FHIT: variants seen among roughly 807,000 people sequenced by gnomAD.
FHIT encodes fragile histidine triad diadenosine triphosphatase, also known as bis(5'-adenosyl)-triphosphatase.
In FHIT, 19 loss-of-function variants were observed where a neutral mutation model predicts 17.9. The observed-to-expected ratio is 1.06, with a 90% CI of 0.74 to 1.56. FHIT has a LOEUF of 1.56. Ranked by LOEUF, FHIT falls within the 40% of genes most tolerant of loss-of-function variation. The pLI is 0.00. For synonymous variants in FHIT, 81 were observed against 69.7 expected (o/e 1.16, Z -0.81); for missense variants, 248 against 189.2 (o/e 1.31, Z -1.82).
intron 3 of FHIT, among the ~76,000 whole-genome samples, chr3:60,947,474 C>T (rs1708688389): frequency 6.6e-6 from 1 of 152,094 alleles, no homozygotes; most frequent in African/African-American, 2.4e-5. Context: ...ATTTTGTTGT[C>T]ATTTGGAAAT....
chr3:60,442,358 C>T (rs1050786406), intron 5 of FHIT, among the ~76,000 whole-genome samples: 24 of 152,184 alleles, frequency 1.6e-4, no homozygotes, highest in African/African-American at 5.5e-4. Flanking sequence ...ATGCCTATGT[C>T]CTGAATGGTA....
intron 3 of FHIT, among the ~76,000 whole-genome samples, chr3:60,924,371 A>G (rs1488640981): frequency 3.3e-5 from 5 of 152,172 alleles, no homozygotes; most frequent in African/African-American, 1.2e-4. Flanking sequence ...TTCCAGAGGA[A>G]CAATCAGTCA....
chr3:60,510,358 A>G (rs2034903036), intron 5 of FHIT, among the ~76,000 whole-genome samples: 1 of 152,166 alleles, frequency 6.6e-6, no homozygotes, highest in Non-Finnish European at 1.5e-5. Flanking sequence ...TTTCTATAAG[A>G]GTTTAAACGG....
intron 2 of FHIT, among the ~76,000 whole-genome samples, chr3:61,044,482 G>A (rs1019385543): frequency 3.3e-5 from 5 of 152,248 alleles, no homozygotes; most frequent in Non-Finnish European, 7.4e-5. Flanking sequence ...ACGGGACTAT[G>A]TGAAAAGACC....
rs1707969401 is a variant in FHIT at position 60,291,221 on chromosome 3, A to AG, written c.103+245638dup. ...GGGTTGCCGGTCCACAGGGAAATAC[A>AG]GGGGGTTTTATAGATACCTGGTGAG... On this transcript the variant is annotated intron_variant, in intron 5 of 9. Transcript: ENST00000492590. Among the ~76,000 whole-genome samples, 3 of 152,214 alleles carry AG rather than the reference A, an allele frequency of 2.0e-5. No individual in the cohort carries two copies. In the East Asian group the frequency reaches 5.8e-4, roughly 29 times the overall value.
At position 60,092,096 on chromosome 3, in the gene FHIT, C is replaced by G. The variant is rs570607107; in HGVS notation, c.104-77944G>C. Reference sequence around the variant, plus strand: ...TTAAGGAATAGTACGACAATAATCTCTAGATACATCTGCAATCAAGTAACA... The same window carrying G: ...TTAAGGAATAGTACGACAATAATCTGTAGATACATCTGCAATCAAGTAACA... On this transcript the variant is annotated intron_variant, in intron 5 of 9. Transcript: ENST00000492590. Among the ~76,000 whole-genome samples, 3 of 152,252 alleles carry G rather than the reference C, an allele frequency of 2.0e-5. No individual in the cohort carries two copies. The South Asian group carries it at 6.2e-4, about 32-fold the overall frequency.
chr3:61,177,693 T>G lies in FHIT; in HGVS notation c.-164+22924A>C, dbSNP rs888288404. On this transcript the variant is annotated intron_variant, in intron 2 of 9. Transcript: ENST00000492590. Reference sequence around the variant, plus strand: ...CTAAATGGATTTTTCATGTTTAGACTAGTAAACATAAAAAGCAAACCTATC... The same window carrying G: ...CTAAATGGATTTTTCATGTTTAGACGAGTAAACATAAAAAGCAAACCTATC... Among the ~76,000 whole-genome samples, 4 of 152,196 alleles carry G rather than the reference T, an allele frequency of 2.6e-5. No homozygotes were observed. The East Asian group carries it at 7.7e-4, about 29-fold the overall frequency.
chr3:60,484,695 A>G (rs571151197), intron 5 of FHIT, among the ~76,000 whole-genome samples: 26 of 152,128 alleles, frequency 1.7e-4, no homozygotes, highest in Non-Finnish European at 3.2e-4. Context: ...ACTTAAATGT[A>G]AAACCCAAAA....
chr3:61,069,435 A>G (rs1381416539), intron 2 of FHIT, among the ~76,000 whole-genome samples: 1 of 152,128 alleles, frequency 6.6e-6, no homozygotes, highest in Non-Finnish European at 1.5e-5. Context: ...TTTTCCCCCA[A>G]CATCTCGCAG....
At chr3:60,004,191 T>C (rs556509134) in intron 7 of FHIT, among the ~76,000 whole-genome samples, 16 of 152,112 alleles carry the variant, frequency 1.1e-4, no homozygotes, top group Admixed American at 5.9e-4. Flanking sequence ...TCACAGGAGG[T>C]TTGACTTCAC....
chr3:60,944,683 G>A (rs1487436763), intron 3 of FHIT, among the ~76,000 whole-genome samples: 1 of 152,152 alleles, frequency 6.6e-6, no homozygotes, highest in East Asian at 1.9e-4. Flanking sequence ...TGTAAATGAT[G>A]CGTTTATATC....
intron 5 of FHIT, among the ~76,000 whole-genome samples, chr3:60,153,829 A>G (rs1700570462): frequency 6.6e-6 from 1 of 152,162 alleles, no homozygotes. Flanking sequence ...CCTGGCCAGG[A>G]TTCAATCATC....
chr3:61,133,338 A>C (rs1459361619), intron 2 of FHIT, among the ~76,000 whole-genome samples: 1 of 152,186 alleles, frequency 6.6e-6, no homozygotes, highest in Non-Finnish European at 1.5e-5. Flanking sequence ...TTTTAGTAGG[A>C]ACTCAAAAAC....
At chr3:60,598,412 G>A (rs556879762) in intron 4 of FHIT, among the ~76,000 whole-genome samples, 1 of 152,118 alleles carries the variant, frequency 6.6e-6, no homozygotes, top group Non-Finnish European at 1.5e-5. Context: ...TTCCTAAAAT[G>A]AATAGGGTTA....
At chr3:60,325,548 G>T (rs908992225) in intron 5 of FHIT, among the ~76,000 whole-genome samples, 1 of 151,896 alleles carries the variant, frequency 6.6e-6, no homozygotes, top group Non-Finnish European at 1.5e-5. Flanking sequence ...TTCAGAGTTG[G>T]GTTTTTAAAC....
intron 3 of FHIT, among the ~76,000 whole-genome samples, chr3:60,963,653 G>A (rs1225286510): frequency 6.7e-6 from 1 of 148,600 alleles, no homozygotes; most frequent in African/African-American, 2.5e-5. Context: ...TGGTTTCAAA[G>A]AACATCTTTT....
intron 1 of FHIT, among the ~76,000 whole-genome samples, chr3:61,240,131 A>C (rs1055784555): frequency 7.2e-5 from 11 of 152,178 alleles, no homozygotes; most frequent in Non-Finnish European, 1.5e-4. Context: ...CCCTGCTCAG[A>C]GGAGCCAAGA....
chr3:60,449,272 T>C (rs1245932591), intron 5 of FHIT, among the ~76,000 whole-genome samples: 4 of 152,196 alleles, frequency 2.6e-5, no homozygotes, highest in African/African-American at 9.6e-5. Context: ...CATCTTGTTC[T>C]AGCCTTTTGT....
chr3:60,977,584 C>A (rs1359021760), intron 3 of FHIT, among the ~76,000 whole-genome samples: 1 of 151,960 alleles, frequency 6.6e-6, no homozygotes, highest in Non-Finnish European at 1.5e-5. Context: ...CTGTTAGAAT[C>A]ATTGTGGCTG....
Sources: allele counts gnomAD v4.1 joint callset (sites outside exome capture counted in the v4.1 genomes callset), GRCh38; gene constraint gnomAD v4.1.1; transcripts MANE v1.5; gene names NCBI Gene and HGNC (gene_info 2026-07-23, HGNC 2026-07-21).